PCDHA5: variants seen among roughly 807,000 people sequenced by gnomAD.
The protein encoded by PCDHA5 is protocadherin alpha 5.
In PCDHA5, 43 loss-of-function variants were observed where a neutral mutation model predicts 61.6. That is an observed-to-expected ratio of 0.70 (90% confidence interval 0.55 to 0.90). The LOEUF (loss-of-function observed/expected upper bound fraction) is 0.90. Among genes scored for constraint, PCDHA5 ranks in the 40% least tolerant of loss-of-function variants. The probability of loss-of-function intolerance (pLI) is 0.00; values close to 1 mark genes in which losing one functional copy is unlikely to be tolerated. For missense variants in PCDHA5, 1,298 were observed against 1,222.7 expected (o/e 1.06, Z -0.92); for synonymous variants, 627 against 543.9 (o/e 1.15, Z -2.13).
chr5:140,997,664 C>A (rs2097778003), intron 3 of PCDHA5, among the ~76,000 whole-genome samples: 1 of 142,906 alleles, frequency 7.0e-6, no homozygotes, highest in African/African-American at 2.5e-5. Context: ...TATTATTATA[C>A]AGCTTGTGTG....
chr5:140,968,232 G>T, intron 1 of PCDHA5: 2 of 1,613,990 alleles, frequency 1.2e-6, no homozygotes, highest in Non-Finnish European at 1.7e-6. Context: ...GTGTTGCTCT[G>T]TACTGTGCAA....
intron 1 of PCDHA5, chr5:140,926,635 C>A: frequency 2.3e-6 from 1 of 442,720 alleles, no homozygotes; most frequent in Non-Finnish European, 3.8e-6. Context: ...CTGCGCTCCT[C>A]AACACCCGGC....
chr5:141,006,921 A>G (rs1229765479), intron 3 of PCDHA5, among the ~76,000 whole-genome samples: 1 of 152,176 alleles, frequency 6.6e-6, no homozygotes, highest in Non-Finnish European at 1.5e-5. Context: ...TGCCCATGAG[A>G]TTTCCAACTG....
chr5:140,852,582 ATT>A (rs527656692), intron 1 of PCDHA5: 197 of 691,142 alleles, frequency 2.9e-4, no homozygotes, highest in Middle Eastern at 7.5e-4. Context: ...AGGCTTTTTT[ATT>A]TTTTTTTTTT....
chr5:140,936,615 G>T (rs1052104404), intron 1 of PCDHA5, among the ~76,000 whole-genome samples: 1 of 152,178 alleles, frequency 6.6e-6, no homozygotes, highest in Non-Finnish European at 1.5e-5. Context: ...CTGCTACTGT[G>T]CAGTGCTACC....
chr5:140,821,973 G>A lies in PCDHA5; in HGVS notation c.198G>A (p.Ala66=), dbSNP rs2150112441. The part of the protein sequence containing the change: ...AELVPRLFRV[A]SKGRGDLLEV... The stretch of plus-strand genomic sequence containing the variant: ...TGGTGCCGCGCCTGTTCCGGGTGGC[G>A]TCCAAGGGCCGCGGGGACCTTCTGG... The change falls in exon 1 of 4, where the codon GCG becomes GCA. Residue 66 remains alanine (A), a synonymous_variant. Transcript: ENST00000529859. 2 of 1,614,176 alleles carry A rather than the reference G, an allele frequency of 1.2e-6. No individual in the cohort carries two copies. Among genetic ancestry groups the A allele is most frequent in the Non-Finnish European group, 1.7e-6 (2 of 1,180,046 alleles).
intron 1 of PCDHA5, among the ~76,000 whole-genome samples, chr5:140,937,039 C>CT (rs34994034): frequency 0.49 from 69,094 of 140,108 alleles, 17,193 homozygotes; most frequent in East Asian, 0.59. Flanking sequence ...TTCCATTTAT[C>CT]TTTTTTTTTT....
rs543804071 is a variant in PCDHA5, at chr5:140,951,447, C to T, written c.2353-27502C>T. Among the ~76,000 whole-genome samples the T allele has an allele frequency of 2.2e-4, 34 of 152,004 alleles. No homozygotes were observed. In the South Asian group the frequency reaches 5.8e-3, roughly 26 times the overall value. On this transcript the variant is annotated intron_variant, in intron 1 of 3. Coordinates refer to ENST00000529859, the MANE Select transcript of PCDHA5 (RefSeq NM_018908.3). ...CCACAGGCTGTAGGAAGCATGATGC[C>T]GGCCATCTGCTTGGCTTCTGGGGAG...
intron 1 of PCDHA5, among the ~76,000 whole-genome samples, chr5:140,879,542 GA>G (rs1281717017): frequency 6.6e-6 from 1 of 152,104 alleles, no homozygotes; most frequent in African/African-American, 2.4e-5. Context: ...CTCCTTTAGA[GA>G]AAAAAATAAT....
At chr5:140,970,909 A>G (rs1356718314) in intron 1 of PCDHA5, among the ~76,000 whole-genome samples, 1 of 152,180 alleles carries the variant, frequency 6.6e-6, no homozygotes, top group African/African-American at 2.4e-5. Context: ...AGATTTATTC[A>G]TTTATCAGAA....
At chr5:140,912,443 G>T (rs1351780500) in intron 1 of PCDHA5, among the ~76,000 whole-genome samples, 3 of 151,748 alleles carry the variant, frequency 2.0e-5, no homozygotes, top group African/African-American at 7.3e-5. Flanking sequence ...TGATTTGTGT[G>T]CATTGATTTT....
At chr5:140,928,986 C>G (rs2085702741) in intron 1 of PCDHA5, 1 of 1,613,874 alleles carries the variant, frequency 6.2e-7, no homozygotes, top group East Asian at 2.2e-5. Flanking sequence ...TTCTGGGGTG[C>G]TTACTTTTCT....
rs1265015709 is a variant in PCDHA5 at position 140,843,042 on chromosome 5, G to A, written c.2352+18915G>A. The A allele has an allele frequency of 6.3e-7, 1 of 1,595,054 alleles. No individual in the cohort carries two copies. The highest frequency in any genetic ancestry group is 8.6e-7 in the Non-Finnish European group (1 of 1,165,358). On this transcript the variant is annotated intron_variant, in intron 1 of 3. Transcript: ENST00000529859. ...CTGGAGCCTCGGGTGGGTGGCACTG[G>A]TGGCGCAGCGAGCAAGCTGGTGCCG... is the stretch of plus-strand genomic sequence containing the variant.
At chr5:140,877,007 C>T in intron 1 of PCDHA5, 2 of 1,612,430 alleles carry the variant, frequency 1.2e-6, no homozygotes, top group Non-Finnish European at 1.7e-6. Context: ...TCGGTGCACG[C>T]GGAGAGCGGC....
In PCDHA5 at chr5:140,822,430, C is replaced by T. The variant is rs2150116302; in HGVS notation, c.655C>T (p.Pro219Ser). 2 of 1,613,920 alleles carry T rather than the reference C, an allele frequency of 1.2e-6. No homozygotes were observed. The highest frequency in any genetic ancestry group is 1.7e-6 in the Non-Finnish European group (2 of 1,179,974). ...LLVIATDGGK[P>S]ELTGTVQLLI... ...AGTGATTGCAACTGATGGAGGAAAA[C>T]CCGAACTAACAGGTACAGTTCAGTT... is the stretch of plus-strand genomic sequence containing the variant. Residue 219 changes from proline (P) to serine (S), a missense_variant, in exon 1 of 4, where the codon CCC (proline) becomes TCC (serine). Transcript: ENST00000529859.
At chr5:140,899,336 A>G (rs2067275819) in intron 1 of PCDHA5, among the ~76,000 whole-genome samples, 1 of 152,130 alleles carries the variant, frequency 6.6e-6, no homozygotes, top group Non-Finnish European at 1.5e-5. Context: ...TTTGTCATAG[A>G]TAGCTCTTAT....
At chr5:140,985,982 G>A (rs1380609067) in intron 3 of PCDHA5, among the ~76,000 whole-genome samples, 3 of 151,940 alleles carry the variant, frequency 2.0e-5, no homozygotes, top group East Asian at 1.9e-4. Flanking sequence ...CTCGTGATCC[G>A]CCCACCTCAG....
intron 1 of PCDHA5, chr5:140,929,124 C>T: frequency 6.2e-7 from 1 of 1,614,166 alleles, no homozygotes; most frequent in Non-Finnish European, 8.5e-7. Flanking sequence ...CCATAGATGT[C>T]ACTACAGTTG....
At chr5:140,865,190 C>T (rs976709711) in intron 1 of PCDHA5, 3 of 152,106 alleles carry the variant, frequency 2.0e-5, no homozygotes, top group Admixed American at 1.3e-4. Flanking sequence ...TGCCTTCACA[C>T]CATATTAATG....
Sources: allele counts gnomAD v4.1 joint callset (sites outside exome capture counted in the v4.1 genomes callset), GRCh38; gene constraint gnomAD v4.1.1; transcripts MANE v1.5; gene names NCBI Gene and HGNC (gene_info 2026-07-23, HGNC 2026-07-21).